Variants in RP1 observed in about 807,000 individuals in gnomAD.
RP1 encodes the protein oxygen-regulated protein 1.
Under a neutral mutation model 14.8 loss-of-function variants are expected in RP1, and 16 were observed. The observed-to-expected ratio is 1.08, with a 90% CI of 0.73 to 1.65. RP1 has a LOEUF of 1.65. RP1 is among the 40% of genes most tolerant of loss of function. The pLI, the probability that RP1 is intolerant of heterozygous loss-of-function variation, is 0.00. For missense variants in RP1, 2,631 were observed against 2,535.0 expected, an observed-to-expected ratio of 1.04 and a Z score of -0.81; for synonymous variants, 876 against 883.6, an observed-to-expected ratio of 0.99 and a Z score of 0.15.
At chr8:54,755,551 G>T (rs1231153629) in intron 20 of RP1, 2 of 1,452,682 alleles carry the variant, frequency 1.4e-6, no homozygotes, top group Non-Finnish European at 1.9e-6. Context: ...CTATGGATCT[G>T]GGTTCTGTTT....
chr8:54,606,491 C>T (rs538648783), intron 1 of RP1, among the ~76,000 whole-genome samples: 2 of 152,218 alleles, frequency 1.3e-5, no homozygotes, highest in South Asian at 2.1e-4. Context: ...TCCTTCATTT[C>T]AACTTTGCTG....
chr8:54,790,166 C>T (rs545105409), intron 24 of RP1, among the ~76,000 whole-genome samples: 1 of 152,196 alleles, frequency 6.6e-6, no homozygotes, highest in Non-Finnish European at 1.5e-5. Context: ...TTCTGCCTGA[C>T]TACAGCCAGG....
chr8:54,582,520 T>C (rs906132853), intron 1 of RP1, among the ~76,000 whole-genome samples: 3 of 151,710 alleles, frequency 2.0e-5, no homozygotes, highest in East Asian at 1.9e-4. Context: ...TTAAAAGTAG[T>C]TTTTTCCAAT....
intron 15 of RP1, among the ~76,000 whole-genome samples, chr8:54,707,071 T>G (rs571050348): frequency 1.3e-5 from 2 of 152,316 alleles, no homozygotes; most frequent in East Asian, 1.9e-4. Context: ...TGCCTGAATT[T>G]CCACCACTGG....
At chr8:54,603,245 T>G (rs1805338163) in intron 1 of RP1, among the ~76,000 whole-genome samples, 1 of 151,992 alleles carries the variant, frequency 6.6e-6, no homozygotes, top group African/African-American at 2.4e-5. Context: ...CTGTTTCAGC[T>G]TTCTACATAT....
intron 19 of RP1, among the ~76,000 whole-genome samples, chr8:54,750,565 G>C (rs922581836): frequency 6.6e-6 from 1 of 151,996 alleles, no homozygotes; most frequent in African/African-American, 2.4e-5. Flanking sequence ...TCTTACAAGA[G>C]GATTGTAAAA....
chr8:54,748,926 C>G (rs1809292968), intron 19 of RP1, among the ~76,000 whole-genome samples: 1 of 151,926 alleles, frequency 6.6e-6, no homozygotes, highest in African/African-American at 2.4e-5. Flanking sequence ...CCTTTCTCAT[C>G]CTAATATATT....
intron 25 of RP1, among the ~76,000 whole-genome samples, chr8:54,842,461 A>G (rs1404478412): frequency 1.3e-5 from 2 of 152,194 alleles, no homozygotes. Context: ...AACCAAGGCC[A>G]TGGGACTCCT....
chr8:54,863,514 T>C (rs1181619965), intron 27 of RP1, among the ~76,000 whole-genome samples: 1 of 152,246 alleles, frequency 6.6e-6, no homozygotes, highest in Non-Finnish European at 1.5e-5. Flanking sequence ...AAAATTTTAC[T>C]CCATCTGTAA....
chr8:54,787,106 G>C (rs1810337417), intron 24 of RP1, among the ~76,000 whole-genome samples: 1 of 152,166 alleles, frequency 6.6e-6, no homozygotes, highest in Non-Finnish European at 1.5e-5. Flanking sequence ...TTGCAAAATG[G>C]TGTCAGTGGC....
intron 6 of RP1, among the ~76,000 whole-genome samples, chr8:54,658,510 C>A: frequency 7.5e-6 from 1 of 132,690 alleles, no homozygotes; most frequent in South Asian, 2.4e-4. Context: ...GAGATCCCGC[C>A]ACTGCACTCC....
chr8:54,779,969 C>T (rs1810142870), intron 23 of RP1, among the ~76,000 whole-genome samples: 1 of 151,610 alleles, frequency 6.6e-6, no homozygotes, highest in African/African-American at 2.4e-5. Context: ...TTGTTATTAT[C>T]TTTACCTTTC....
chr8:54,855,893 T>G (rs1417468892), intron 26 of RP1, among the ~76,000 whole-genome samples: 1 of 150,454 alleles, frequency 6.6e-6, no homozygotes, highest in Non-Finnish European at 1.5e-5. Context: ...GCATACGGAG[T>G]GCATATTAGT....
exon 12 of RP1, chr8:54,679,881 T>C (rs753203132): frequency 2.0e-6 from 3 of 1,536,072 alleles, no homozygotes; most frequent in Non-Finnish European, 2.6e-6. Context: ...GGTTTGTCCG[T>C]TTGCATCCAG....
At chr8:54,769,179 C>G (rs1563370947) in intron 22 of RP1, among the ~76,000 whole-genome samples, 1 of 152,184 alleles carries the variant, frequency 6.6e-6, no homozygotes, top group Non-Finnish European at 1.5e-5. Context: ...CAGGCATGAG[C>G]CACCACGCCT....
chr8:54,697,113 A>T, intron 12 of RP1: 1 of 1,487,292 alleles, frequency 6.7e-7, no homozygotes, highest in Non-Finnish European at 9.2e-7. Context: ...GAACGCATCA[A>T]TCAGCTCATC....
intron 23 of RP1, chr8:54,781,068 C>T: frequency 1.0e-6 from 1 of 983,858 alleles, no homozygotes; most frequent in Non-Finnish European, 1.2e-6. Context: ...AGTAAGCCTC[C>T]TAAGGCTGTG....
intron 1 of RP1, among the ~76,000 whole-genome samples, chr8:54,578,568 A>G (rs1804712114): frequency 6.6e-6 from 1 of 152,168 alleles, no homozygotes; most frequent in African/African-American, 2.4e-5. Context: ...GCAGTTCTAC[A>G]TCTCATGCTA....
At chr8:54,763,364 G>T (rs978249962) in intron 22 of RP1, among the ~76,000 whole-genome samples, 1 of 152,226 alleles carries the variant, frequency 6.6e-6, no homozygotes, top group Non-Finnish European at 1.5e-5. Context: ...TTTGGGAAAT[G>T]ACATTGATAG....
Sources: gnomAD v4.1 joint callset for allele counts (sites outside exome capture counted in the v4.1 genomes callset) on GRCh38, gnomAD v4.1.1 for gene constraint, MANE v1.5 for transcripts, NCBI Gene and HGNC (gene_info 2026-07-23, HGNC 2026-07-21) for gene names.